Variants in CDH18 observed in about 807,000 individuals in gnomAD.
CDH18 encodes the protein cadherin 18.
A neutral mutation model predicts 67.9 loss-of-function variants in CDH18; 31 were observed. That is an observed-to-expected ratio of 0.46 (90% CI 0.34 to 0.62). The LOEUF is 0.62. Among genes scored for constraint, CDH18 ranks in the 20% least tolerant of loss-of-function variants. CDH18 has a pLI of 0.01. For missense variants in CDH18, 890 were observed against 975.5 expected (o/e 0.91, Z 1.17); for synonymous variants, 362 against 347.2 (o/e 1.04, Z -0.48).
At chr5:20,545,534 A>G (rs886609807) in intron 1 of CDH18, among the ~76,000 whole-genome samples, 2 of 152,210 alleles carry the variant, frequency 1.3e-5, no homozygotes, top group Admixed American at 1.3e-4. Context: ...CCAACAGCAA[A>G]TGGAAGCTGC....
At chr5:20,514,627 T>A (rs1419755378) in intron 1 of CDH18, among the ~76,000 whole-genome samples, 2 of 152,126 alleles carry the variant, frequency 1.3e-5, no homozygotes, top group East Asian at 3.9e-4. Context: ...GGTGTGTTTG[T>A]GTGTCTGTCC....
At chr5:19,769,246 T>C (rs1425875895) in intron 3 of CDH18, among the ~76,000 whole-genome samples, 1 of 152,100 alleles carries the variant, frequency 6.6e-6, no homozygotes, top group Admixed American at 6.6e-5. Context: ...AAGGGATTCA[T>C]ATTGATATAC....
chr5:19,632,023 A>G (rs1752488991), intron 5 of CDH18, among the ~76,000 whole-genome samples: 1 of 152,186 alleles, frequency 6.6e-6, no homozygotes, highest in African/African-American at 2.4e-5. Flanking sequence ...CCTCCACTCT[A>G]TATGAAAACA....
chr5:19,858,406 G>T lies in CDH18; in HGVS notation c.-256-19164C>A, dbSNP rs142226704. Among the ~76,000 whole-genome samples, 32 of 151,964 alleles carry T rather than the reference G, an allele frequency of 2.1e-4. No homozygotes were observed. The South Asian group carries it at 4.2e-3, about 20-fold the overall frequency. Reference sequence around the variant, plus strand: ...AAAAAGACCTGCAAAGGGATGTCTAGGTTTGTCATAAACTATTTTAGGGAC... The same window carrying T: ...AAAAAGACCTGCAAAGGGATGTCTATGTTTGTCATAAACTATTTTAGGGAC... On this transcript the variant is annotated intron_variant, in intron 2 of 12. Transcript: ENST00000382275.
intron 3 of CDH18, among the ~76,000 whole-genome samples, chr5:19,784,957 A>G (rs908688024): frequency 1.3e-4 from 20 of 152,238 alleles, no homozygotes; most frequent in African/African-American, 4.3e-4. Context: ...CCAACTATCA[A>G]TGAGAAAATC....
intron 4 of CDH18, among the ~76,000 whole-genome samples, chr5:19,729,258 T>C (rs2150622724): frequency 6.6e-6 from 1 of 152,278 alleles, no homozygotes; most frequent in East Asian, 1.9e-4. Flanking sequence ...GTGGAAACCC[T>C]CTGTTATAAG....
At chr5:19,855,187 T>C (rs1356068999) in intron 2 of CDH18, among the ~76,000 whole-genome samples, 3 of 152,266 alleles carry the variant, frequency 2.0e-5, no homozygotes, top group South Asian at 2.1e-4. Context: ...CTTATCTCTC[T>C]TTCATCTTGT....
At chr5:20,348,790 T>C (rs781248622) in intron 1 of CDH18, among the ~76,000 whole-genome samples, 2 of 152,118 alleles carry the variant, frequency 1.3e-5, no homozygotes, top group African/African-American at 2.4e-5. Flanking sequence ...CTGACAACTT[T>C]TGCAGTCCCA....
intron 5 of CDH18, among the ~76,000 whole-genome samples, chr5:19,623,636 T>C (rs1751045755): frequency 6.6e-6 from 1 of 152,034 alleles, no homozygotes; most frequent in Admixed American, 6.6e-5. Context: ...AAAGATGAGA[T>C]GCTTTATGTA....
intron 3 of CDH18, among the ~76,000 whole-genome samples, chr5:19,755,442 TATATATATATATATATACAC>T (rs1561231839): frequency 0.022 from 213 of 9,496 alleles, 8 homozygotes; most frequent in Admixed American, 0.036. Flanking sequence ...TATATATATA[TATATATATATATATATACAC>T]ACACACACAC....
At chr5:20,238,035 C>T (rs990114949) in intron 2 of CDH18, among the ~76,000 whole-genome samples, 4 of 151,742 alleles carry the variant, frequency 2.6e-5, no homozygotes, top group Non-Finnish European at 4.4e-5. Flanking sequence ...GACAAACATG[C>T]CAAGACAATT....
chr5:20,520,944 T>A (rs1208673095), intron 1 of CDH18, among the ~76,000 whole-genome samples: 2 of 152,184 alleles, frequency 1.3e-5, no homozygotes, highest in Non-Finnish European at 2.9e-5. Flanking sequence ...ACAAGACCAG[T>A]CAGCTAAAAG....
chr5:20,526,521 G>C (rs139070645), intron 1 of CDH18, among the ~76,000 whole-genome samples: 1 of 152,186 alleles, frequency 6.6e-6, no homozygotes, highest in East Asian at 1.9e-4. Flanking sequence ...GCTGGCACTA[G>C]GTCAGTGCCC....
intron 2 of CDH18, among the ~76,000 whole-genome samples, chr5:19,974,242 C>T (rs536155961): frequency 2.6e-5 from 4 of 151,980 alleles, no homozygotes; most frequent in South Asian, 4.2e-4. Context: ...AGTAAATAGG[C>T]GGTGTTGTCC....
intron 10 of CDH18, among the ~76,000 whole-genome samples, chr5:19,513,976 C>G (rs1475349222): frequency 6.6e-6 from 1 of 152,116 alleles, no homozygotes; most frequent in African/African-American, 2.4e-5. Context: ...AGATATTTCT[C>G]TTAATGCTAT....
intron 2 of CDH18, among the ~76,000 whole-genome samples, chr5:20,099,026 T>C (rs537788215): frequency 7.9e-5 from 12 of 152,294 alleles, no homozygotes; most frequent in Non-Finnish European, 1.6e-4. Context: ...ACAGAATATA[T>C]ATTTTGTAGA....
At chr5:20,170,485 T>G (rs1000551985) in intron 2 of CDH18, among the ~76,000 whole-genome samples, 2 of 152,076 alleles carry the variant, frequency 1.3e-5, no homozygotes, top group Non-Finnish European at 2.9e-5. Flanking sequence ...AGAGAAATAT[T>G]CTAAGTGTTA....
At chr5:19,883,042 T>A (rs1787824085) in intron 2 of CDH18, among the ~76,000 whole-genome samples, 3 of 152,142 alleles carry the variant, frequency 2.0e-5, no homozygotes, top group Non-Finnish European at 4.4e-5. Flanking sequence ...TTCAAGGTAG[T>A]TTAACCCTGA....
chr5:19,811,138 GAAA>G (rs1778654425), intron 3 of CDH18, among the ~76,000 whole-genome samples: 1 of 111,288 alleles, frequency 9.0e-6, no homozygotes, highest in Non-Finnish European at 1.9e-5. Flanking sequence ...AAGAAAGAAA[GAAA>G]GAAAGAAAGA....
Sources: allele counts gnomAD v4.1 joint callset (sites outside exome capture counted in the v4.1 genomes callset), GRCh38; gene constraint gnomAD v4.1.1; transcripts MANE v1.5; gene names NCBI Gene and HGNC (gene_info 2026-07-23, HGNC 2026-07-21).